The following ARL15 variants were observed in gnomAD, a reference collection of about 807,000 sequenced individuals.
ARL15 encodes the protein ADP-ribosylation factor-like protein 15.
ARL15 carries 19 observed loss-of-function variants against 25.2 expected under a neutral mutation model. The observed-to-expected ratio is 0.75, with a 90% CI of 0.53 to 1.10. The LOEUF (loss-of-function observed/expected upper bound fraction) is 1.10, where lower values mean the gene tolerates loss of function less well. Among genes scored for constraint, ARL15 ranks in the 50% least tolerant of loss-of-function variants. ARL15 has a pLI of 0.00. For synonymous variants in ARL15, 94 were observed against 86.8 expected (o/e 1.08, Z -0.46); for missense variants, 220 against 246.0 (o/e 0.89, Z 0.71).
At chr5:54,044,717 T>A (rs1049354749) in intron 4 of ARL15, among the ~76,000 whole-genome samples, 2 of 152,252 alleles carry the variant, frequency 1.3e-5, no homozygotes, top group Non-Finnish European at 2.9e-5. Context: ...ATAACAGTTT[T>A]TTGTGTGCCT....
chr5:54,270,082 G>A (rs939568589), intron 1 of ARL15, among the ~76,000 whole-genome samples: 1 of 152,192 alleles, frequency 6.6e-6, no homozygotes, highest in African/African-American at 2.4e-5. Context: ...TTTAGCGACT[G>A]TAAAATCATT....
intron 1 of ARL15, among the ~76,000 whole-genome samples, chr5:54,177,519 A>G (rs1474651902): frequency 6.6e-6 from 1 of 152,200 alleles, no homozygotes; most frequent in Non-Finnish European, 1.5e-5. Context: ...AGGCAGCAAG[A>G]TTATCTTAAA....
chr5:54,243,809 CA>C (rs1757020196), intron 1 of ARL15, among the ~76,000 whole-genome samples: 1 of 152,310 alleles, frequency 6.6e-6, no homozygotes, highest in African/African-American at 2.4e-5. Context: ...GCTTGACACA[CA>C]ATTTCTTAAC....
intron 4 of ARL15, among the ~76,000 whole-genome samples, chr5:54,075,218 G>C (rs998640109): frequency 1.9e-4 from 29 of 151,838 alleles, no homozygotes; most frequent in African/African-American, 6.5e-4. Flanking sequence ...GCCAAGTTCA[G>C]GACAATAAAT....
intron 3 of ARL15, among the ~76,000 whole-genome samples, chr5:54,124,890 A>G (rs931365898): frequency 6.6e-6 from 1 of 152,038 alleles, no homozygotes; most frequent in African/African-American, 2.4e-5. Context: ...ATGACCTCCA[A>G]TGATCCCCAC....
intron 4 of ARL15, among the ~76,000 whole-genome samples, chr5:53,925,173 C>T (rs762995373): frequency 1.3e-4 from 20 of 151,342 alleles, no homozygotes; most frequent in Non-Finnish European, 2.8e-4. Context: ...CATTTAAAAA[C>T]CTACAGTTTC....
At chr5:54,007,138 T>C (rs1340502172) in intron 4 of ARL15, among the ~76,000 whole-genome samples, 1 of 152,200 alleles carries the variant, frequency 6.6e-6, no homozygotes, top group African/African-American at 2.4e-5. Flanking sequence ...TTCATTTTGT[T>C]CTTAGTGTTT....
At chr5:54,019,332 G>C (rs906152355) in intron 4 of ARL15, among the ~76,000 whole-genome samples, 83 of 152,084 alleles carry the variant, frequency 5.5e-4, no homozygotes, top group Non-Finnish European at 1.0e-3. Context: ...TTGAGATAAG[G>C]CTAAAGCAAT....
intron 3 of ARL15, among the ~76,000 whole-genome samples, chr5:54,122,658 C>T (rs1451567603): frequency 6.6e-6 from 1 of 152,090 alleles, no homozygotes; most frequent in Non-Finnish European, 1.5e-5. Context: ...CAGGGGGTGC[C>T]ATTTGTAGGC....
intron 3 of ARL15, among the ~76,000 whole-genome samples, chr5:54,146,381 CAA>C (rs1753911407): frequency 6.6e-6 from 1 of 151,984 alleles, no homozygotes; most frequent in South Asian, 2.1e-4. Flanking sequence ...TATACTTAAA[CAA>C]GAGAATTGTT....
intron 4 of ARL15, among the ~76,000 whole-genome samples, chr5:53,988,766 A>G (rs1020074794): frequency 1.3e-5 from 2 of 152,208 alleles, no homozygotes; most frequent in Non-Finnish European, 2.9e-5. Context: ...GAAAACCTCA[A>G]TACAAGTCCA....
At chr5:53,945,877 G>C (rs191810180) in intron 4 of ARL15, among the ~76,000 whole-genome samples, 1 of 152,254 alleles carries the variant, frequency 6.6e-6, no homozygotes, top group Admixed American at 6.5e-5. Context: ...TTTTGTAGAC[G>C]AAGTAACTAA....
At chr5:54,137,507 A>C (rs1753639813) in intron 3 of ARL15, among the ~76,000 whole-genome samples, 1 of 152,164 alleles carries the variant, frequency 6.6e-6, no homozygotes, top group Non-Finnish European at 1.5e-5. Context: ...GTACACATAA[A>C]AACGATAATA....
intron 1 of ARL15, among the ~76,000 whole-genome samples, chr5:54,173,655 C>A (rs186077202): frequency 6.6e-6 from 1 of 152,176 alleles, no homozygotes; most frequent in East Asian, 1.9e-4. Flanking sequence ...AATATCCTCC[C>A]ACTAGTTCCA....
intron 4 of ARL15, among the ~76,000 whole-genome samples, chr5:53,974,222 T>G (rs1041363762): frequency 4.6e-5 from 7 of 152,244 alleles, no homozygotes; most frequent in Non-Finnish European, 7.3e-5. Context: ...CAGGTTGATC[T>G]GGCTGGAGAA....
At chr5:54,062,379 T>C (rs746145904) in intron 4 of ARL15, among the ~76,000 whole-genome samples, 4 of 152,100 alleles carry the variant, frequency 2.6e-5, no homozygotes, top group Non-Finnish European at 4.4e-5. Flanking sequence ...GGTTTGGCTG[T>C]GTCCCCACCC....
At chr5:54,018,437 A>T (rs970850174) in intron 4 of ARL15, among the ~76,000 whole-genome samples, 4 of 152,222 alleles carry the variant, frequency 2.6e-5, no homozygotes, top group Non-Finnish European at 5.9e-5. Context: ...ATTGTTCTTC[A>T]GTCAGACTTA....
At chr5:54,197,721 G>C (rs1413644180) in intron 1 of ARL15, among the ~76,000 whole-genome samples, 1 of 152,198 alleles carries the variant, frequency 6.6e-6, no homozygotes, top group African/African-American at 2.4e-5. Context: ...AGAGGTACAA[G>C]GAGGAGCTGG....
chr5:54,081,466 C>T (rs1262862742), intron 4 of ARL15, among the ~76,000 whole-genome samples: 1 of 152,106 alleles, frequency 6.6e-6, no homozygotes, highest in East Asian at 1.9e-4. Flanking sequence ...GGCTTTGTGT[C>T]CCCACCCAAG....
Sources: gnomAD v4.1 joint callset for allele counts (sites outside exome capture counted in the v4.1 genomes callset) on GRCh38, gnomAD v4.1.1 for gene constraint, MANE v1.5 for transcripts, NCBI Gene and HGNC (gene_info 2026-07-23, HGNC 2026-07-21) for gene names.